The following GALNTL6 variants were observed in gnomAD, a reference collection of about 807,000 sequenced individuals.
The protein encoded by GALNTL6 is polypeptide N-acetylgalactosaminyltransferase like 6.
GALNTL6 carries 46 observed loss-of-function variants against 73.7 expected under a neutral mutation model. The observed-to-expected ratio is 0.62, with a 90% CI of 0.49 to 0.80. The LOEUF (loss-of-function observed/expected upper bound fraction) is 0.80. GALNTL6 is among the 30% of genes least tolerant of loss of function. The probability of loss-of-function intolerance (pLI) is 0.00; values close to 1 mark genes in which losing one functional copy is unlikely to be tolerated. For missense variants in GALNTL6, 604 were observed against 755.0 expected (o/e 0.80, Z 2.34); for synonymous variants, 259 against 263.7 (o/e 0.98, Z 0.17).
chr4:172,840,092 A>G (rs1743128659), intron 7 of GALNTL6, among the ~76,000 whole-genome samples: 1 of 151,792 alleles, frequency 6.6e-6, no homozygotes, highest in Admixed American at 6.6e-5. Context: ...CAGCTGCACA[A>G]AAAAAGGAAC....
intron 2 of GALNTL6, among the ~76,000 whole-genome samples, chr4:171,835,671 A>T (rs964725063): frequency 7.9e-5 from 12 of 151,996 alleles, no homozygotes; most frequent in Admixed American, 7.2e-4. Flanking sequence ...AAAAGTGAAA[A>T]TAGTCATGTA....
At chr4:172,448,099 T>C (rs1268415377) in intron 5 of GALNTL6, among the ~76,000 whole-genome samples, 2 of 152,194 alleles carry the variant, frequency 1.3e-5, no homozygotes, top group Non-Finnish European at 2.9e-5. Flanking sequence ...TCTAGTCATA[T>C]GCATGGTTAT....
intron 2 of GALNTL6, among the ~76,000 whole-genome samples, chr4:172,186,199 C>T (rs546638894): frequency 3.3e-5 from 5 of 152,220 alleles, no homozygotes; most frequent in African/African-American, 1.2e-4. Flanking sequence ...AGATGCTCAA[C>T]ATATTGGTCC....
At chr4:172,689,873 A>G (rs986978130) in intron 5 of GALNTL6, among the ~76,000 whole-genome samples, 1 of 152,204 alleles carries the variant, frequency 6.6e-6, no homozygotes, top group African/African-American at 2.4e-5. Context: ...ATGTAACCAG[A>G]CAACATGTCT....
intron 2 of GALNTL6, among the ~76,000 whole-genome samples, chr4:171,986,933 A>C (rs1243672105): frequency 6.6e-6 from 1 of 152,216 alleles, no homozygotes; most frequent in East Asian, 1.9e-4. Context: ...GATGGCTTGC[A>C]GAAACAGTGT....
chr4:172,913,588 G>A (rs1579645972), intron 8 of GALNTL6, among the ~76,000 whole-genome samples: 1 of 152,288 alleles, frequency 6.6e-6, no homozygotes, highest in East Asian at 1.9e-4. Flanking sequence ...AGAACTACGT[G>A]ACGCATGCAC....
intron 5 of GALNTL6, among the ~76,000 whole-genome samples, chr4:172,443,803 A>G (rs930021111): frequency 1.3e-5 from 2 of 152,210 alleles, no homozygotes; most frequent in African/African-American, 4.8e-5. Context: ...GAAAACCTAT[A>G]TATATGGGAT....
chr4:172,318,741 CA>C (rs1740656051), intron 4 of GALNTL6, among the ~76,000 whole-genome samples: 1 of 41,356 alleles, frequency 2.4e-5, no homozygotes, highest in South Asian at 7.2e-4. Flanking sequence ...CAAAAAACAA[CA>C]AAAAAAGAAA....
At chr4:172,060,636 T>G (rs1389479840) in intron 2 of GALNTL6, among the ~76,000 whole-genome samples, 1 of 152,150 alleles carries the variant, frequency 6.6e-6, no homozygotes, top group East Asian at 1.9e-4. Flanking sequence ...TTATTGTCTT[T>G]TAAAGAAAGA....
At chr4:172,719,783 G>C (rs1169362060) in intron 5 of GALNTL6, among the ~76,000 whole-genome samples, 1 of 152,120 alleles carries the variant, frequency 6.6e-6, no homozygotes, top group African/African-American at 2.4e-5. Flanking sequence ...AGTTTATTAG[G>C]AAAGTAAAGG....
intron 5 of GALNTL6, among the ~76,000 whole-genome samples, chr4:172,405,169 T>C (rs183348808): frequency 9.8e-4 from 149 of 151,980 alleles, no homozygotes; most frequent in African/African-American, 3.2e-3. Context: ...TTTCACCAGG[T>C]GTGCCCTGGA....
intron 8 of GALNTL6, among the ~76,000 whole-genome samples, chr4:172,893,459 G>C (rs1298652001): frequency 6.6e-6 from 1 of 151,940 alleles, no homozygotes; most frequent in African/African-American, 2.4e-5. Context: ...TTTGTCTGCT[G>C]ACCCCTCAGG....
rs181150050 is a variant in GALNTL6, at chr4:172,149,912, G to A, written c.139-79744G>A. On this transcript the variant is annotated intron_variant, in intron 2 of 12. Transcript: ENST00000506823. ...ACATACACATACTGTGAGAATGGTT[G>A]GGGCAGAACAAAGCAAGTAACTGCC... Among the ~76,000 whole-genome samples, 554 of 152,282 alleles carry A rather than the reference G, an allele frequency of 3.6e-3. 5 individuals carry two copies. The highest frequency in any genetic ancestry group is 0.012 in the African/African-American group (504 of 41,546).
At chr4:171,826,358 T>C (rs571861686) in intron 2 of GALNTL6, among the ~76,000 whole-genome samples, 2 of 152,334 alleles carry the variant, frequency 1.3e-5, no homozygotes, top group African/African-American at 4.8e-5. Flanking sequence ...AAAACATCTC[T>C]AGCTTTAAGA....
At chr4:172,158,033 G>C (rs542289980) in intron 2 of GALNTL6, among the ~76,000 whole-genome samples, 1 of 152,222 alleles carries the variant, frequency 6.6e-6, no homozygotes, top group South Asian at 2.1e-4. Flanking sequence ...GCCATTTGTG[G>C]CAACCTCAGG....
At chr4:172,300,957 G>A (rs1236399793) in intron 3 of GALNTL6, among the ~76,000 whole-genome samples, 1 of 152,180 alleles carries the variant, frequency 6.6e-6, no homozygotes, top group Non-Finnish European at 1.5e-5. Context: ...ATTTCCTGCA[G>A]AGTGTTTTCC....
intron 5 of GALNTL6, among the ~76,000 whole-genome samples, chr4:172,485,237 C>G (rs1339485237): frequency 6.6e-6 from 1 of 151,990 alleles, no homozygotes; most frequent in Non-Finnish European, 1.5e-5. Context: ...CATCCTTACT[C>G]TATTCAACAA....
intron 2 of GALNTL6, among the ~76,000 whole-genome samples, chr4:172,146,007 A>C (rs559772450): frequency 6.6e-6 from 1 of 152,358 alleles, no homozygotes; most frequent in South Asian, 2.1e-4. Context: ...ATTTTAAACA[A>C]GGTCTCTTTG....
chr4:172,288,398 T>C (rs72982455), intron 3 of GALNTL6, among the ~76,000 whole-genome samples: 4,654 of 151,850 alleles, frequency 0.031, 222 homozygotes, highest in African/African-American at 0.1. Context: ...GCCGAATTGA[T>C]TTTTTTTGTA....
Sources: allele counts gnomAD v4.1 joint callset (sites outside exome capture counted in the v4.1 genomes callset), GRCh38; gene constraint gnomAD v4.1.1; transcripts MANE v1.5; gene names NCBI Gene and HGNC (gene_info 2026-07-23, HGNC 2026-07-21).